DNAH7: variants seen among roughly 807,000 people sequenced by gnomAD.
The protein encoded by DNAH7 is dynein axonemal heavy chain 7, also known as axonemal beta dynein heavy chain 7.
DNAH7 carries 397 observed loss-of-function variants against 444.6 expected under a neutral mutation model. That is an observed-to-expected ratio of 0.89 (90% CI 0.82 to 0.97). The LOEUF (loss-of-function observed/expected upper bound fraction) is 0.97. Among genes scored for constraint, DNAH7 ranks in the 50% least tolerant of loss-of-function variants. DNAH7 has a pLI of 0.00. For missense variants in DNAH7, 4,902 were observed against 4,800.8 expected, an observed-to-expected ratio of 1.02 and a Z score of -0.62; for synonymous variants, 1,636 against 1,624.4, an observed-to-expected ratio of 1.01 and a Z score of -0.17.
At chr2:195,838,195 T>C (rs1048481476) in intron 47 of DNAH7, among the ~76,000 whole-genome samples, 1 of 152,102 alleles carries the variant, frequency 6.6e-6, no homozygotes, top group Admixed American at 6.6e-5. Context: ...GAACTAAGAA[T>C]TGTGATCTAA....
In DNAH7 at chr2:195,838,250, T is replaced by C. The variant is rs559220032; in HGVS notation, c.8946-3890A>G. Among the ~76,000 whole-genome samples, 10 of 152,248 alleles carry C rather than the reference T, an allele frequency of 6.6e-5. No individual in the cohort carries two copies. In the South Asian group the frequency reaches 1.7e-3, roughly 25 times the overall value. Reference sequence around the variant, plus strand: ...CTGCTAAACCAAAAAATCAATCTTATCCAGAGGATTTTGACAGGACCTAGA... The same window carrying C: ...CTGCTAAACCAAAAAATCAATCTTACCCAGAGGATTTTGACAGGACCTAGA... On this transcript the variant is annotated intron_variant, in intron 47 of 64. Transcript: ENST00000312428.
At chr2:195,881,742 C>G in intron 36 of DNAH7, 53 bp downstream of exon 36, 1 of 1,513,926 alleles carries the variant, frequency 6.6e-7, no homozygotes, top group Non-Finnish European at 9.0e-7. Flanking sequence ...ATTTCAAAAA[C>G]ATTCTTAGGA....
At chr2:196,062,003 C>T (rs1661761470) in intron 1 of DNAH7, among the ~76,000 whole-genome samples, 1 of 152,138 alleles carries the variant, frequency 6.6e-6, no homozygotes, top group African/African-American at 2.4e-5. Context: ...AGTTACTTAA[C>T]CTCCTCATCT....
chr2:195,950,193 T>C (rs1481933384), intron 19 of DNAH7, among the ~76,000 whole-genome samples: 1 of 152,214 alleles, frequency 6.6e-6, no homozygotes, highest in Non-Finnish European at 1.5e-5. Flanking sequence ...AGCTCCTCTT[T>C]GCACTCCTCT....
At chr2:195,995,336 ATGGAGAGAC>A (rs1693627178) in intron 12 of DNAH7, 1 of 518,088 alleles carries the variant, frequency 1.9e-6, no homozygotes, top group Admixed American at 2.0e-5. Flanking sequence ...CCAAGACCCC[ATGGAGAGAC>A]TGGCTCAGGA....
chr2:195,954,728 C>T (rs1235733360), intron 19 of DNAH7, among the ~76,000 whole-genome samples: 3 of 152,140 alleles, frequency 2.0e-5, no homozygotes, highest in African/African-American at 2.4e-5. Flanking sequence ...TTCTAACTGG[C>T]ATGAGATGTT....
rs573179290 is a variant in DNAH7 at position 195,996,133 on chromosome 2, A to G, written c.1353+4571T>C. ...CACTAGAGTGCAATGTCATATCATC[A>G]TAATCTTTAAACACAATACTTTTTC... On this transcript the variant is annotated intron_variant, in intron 12 of 64. Coordinates refer to ENST00000312428, the MANE Select transcript of DNAH7 (RefSeq NM_018897.3). Among the ~76,000 whole-genome samples the G allele has an allele frequency of 4.6e-5, 7 of 152,002 alleles. No individual in the cohort carries two copies. The South Asian group carries it at 1.2e-3, about 27-fold the overall frequency.
In DNAH7 at chr2:195,970,050, C is replaced by T. The variant is rs748787485; in HGVS notation, c.2103G>A (p.Lys701=). 1.2e-5 allele frequency: 19 copies of T among 1,612,886 alleles called. No individual in the cohort carries two copies. Among genetic ancestry groups the T allele is most frequent in the South Asian group, 3.3e-5 (3 of 90,822 alleles). Residue 701 remains lysine, a synonymous_variant, in exon 17 of 65, where the codon AAG becomes AAA. Transcript: ENST00000312428. Reference sequence around the variant, plus strand: ...CAAATGAATAAAATTCTTCTGATTGCTTAGCATAACTCTCCAATTCCTCCA... The same window carrying T: ...CAAATGAATAAAATTCTTCTGATTGTTTAGCATAACTCTCCAATTCCTCCA... The part of the protein sequence containing the change: ...RFVEELESYA[K]QSEEFYSFGD...
At chr2:195,817,335 G>A (rs1477395759) in intron 50 of DNAH7, among the ~76,000 whole-genome samples, 1 of 152,174 alleles carries the variant, frequency 6.6e-6, no homozygotes, top group Non-Finnish European at 1.5e-5. Context: ...GATGTTATGA[G>A]CAGAAAGTGG....
At chr2:195,853,268 T>G in intron 46 of DNAH7, 75 bp downstream of exon 46, 1 of 1,383,404 alleles carries the variant, frequency 7.2e-7, no homozygotes, top group Non-Finnish European at 9.6e-7. Context: ...GAAACCAAAG[T>G]AAAACAAAAC....
At chr2:196,034,219 C>T (rs1414655876) in intron 5 of DNAH7, among the ~76,000 whole-genome samples, 1 of 151,996 alleles carries the variant, frequency 6.6e-6, no homozygotes, top group Non-Finnish European at 1.5e-5. Context: ...AACATAAGGT[C>T]AACAAGCAAA....
At chr2:195,747,862 A>G (rs1693525191) in intron 63 of DNAH7, among the ~76,000 whole-genome samples, 1 of 152,306 alleles carries the variant, frequency 6.6e-6, no homozygotes, top group African/African-American at 2.4e-5. Flanking sequence ...ATCTATGACA[A>G]ACCCACAGCC....
chr2:195,902,111 T>C (rs1686747467), intron 27 of DNAH7: 4 of 152,162 alleles, frequency 2.6e-5, no homozygotes. Context: ...TGGGAATTAG[T>C]TGAATTACCA....
At chr2:195,909,416 C>T (rs1417551388) in intron 25 of DNAH7, among the ~76,000 whole-genome samples, 1 of 152,138 alleles carries the variant, frequency 6.6e-6, no homozygotes, top group East Asian at 1.9e-4. Flanking sequence ...GGTTTATAGG[C>T]AGGGACTTGG....
intron 21 of DNAH7, among the ~76,000 whole-genome samples, chr2:195,933,203 A>C (rs1366623599): frequency 6.6e-6 from 1 of 152,210 alleles, no homozygotes. Flanking sequence ...ACAATGAGAT[A>C]CCATCTCACA....
At chr2:196,013,655 T>A (rs1200224550) in intron 9 of DNAH7, among the ~76,000 whole-genome samples, 1 of 152,198 alleles carries the variant, frequency 6.6e-6, no homozygotes, top group Non-Finnish European at 1.5e-5. Flanking sequence ...TCATCTGAGT[T>A]ATAATGTACT....
intron 5 of DNAH7, among the ~76,000 whole-genome samples, chr2:196,028,383 T>C (rs1334558474): frequency 6.6e-6 from 1 of 152,172 alleles, no homozygotes; most frequent in African/African-American, 2.4e-5. Context: ...TCCTAAAATA[T>C]GTATGGTTAT....
intron 24 of DNAH7, among the ~76,000 whole-genome samples, chr2:195,921,540 G>A (rs1349697638): frequency 6.6e-6 from 1 of 152,120 alleles, no homozygotes; most frequent in Non-Finnish European, 1.5e-5. Flanking sequence ...TGAGAGCTAA[G>A]CTATGAGGAC....
intron 17 of DNAH7, among the ~76,000 whole-genome samples, chr2:195,962,419 C>T (rs1691172557): frequency 1.3e-5 from 2 of 152,130 alleles, no homozygotes; most frequent in Non-Finnish European, 2.9e-5. Flanking sequence ...GGCAAGATCT[C>T]GGCTCACGCA....
Sources: allele counts gnomAD v4.1 joint callset (sites outside exome capture counted in the v4.1 genomes callset), GRCh38; gene constraint gnomAD v4.1.1; transcripts MANE v1.5; gene names NCBI Gene and HGNC (gene_info 2026-07-23, HGNC 2026-07-21).